Variants in TMEM63C observed in about 807,000 individuals in gnomAD.
TMEM63C encodes transmembrane protein 63C, also known as osmosensitive cation channel TMEM63C.
A neutral mutation model predicts 99.2 loss-of-function variants in TMEM63C; 32 were observed. The ratio of observed to expected loss-of-function variants is 0.32; its 90% CI spans 0.24 to 0.43. The LOEUF is 0.43. Ranked by LOEUF, TMEM63C falls within the 20% of genes least tolerant of loss-of-function variation. The pLI is 1.00. For missense variants in TMEM63C, 826 were observed against 1,053.0 expected (o/e 0.78, Z 2.98); for synonymous variants, 376 against 397.9 (o/e 0.94, Z 0.66).
At chr14:77,223,785 T>C (rs769625690) in intron 5 of TMEM63C, among the ~76,000 whole-genome samples, 3 of 152,182 alleles carry the variant, frequency 2.0e-5, no homozygotes, top group Non-Finnish European at 4.4e-5. Context: ...TATACACCTG[T>C]GCACCTGTAG....
At position 77,253,191 on chromosome 14, in the gene TMEM63C, T is replaced by C. The variant is rs1594871293; in HGVS notation, c.2149-114T>C. Reference sequence around the variant, plus strand: ...GCTGAAGGTCTGGAAAGACAGAAGATGAGTTGAGTTCCAAGGTGGTGAGAA... The same window carrying C: ...GCTGAAGGTCTGGAAAGACAGAAGACGAGTTGAGTTCCAAGGTGGTGAGAA... On this transcript the variant is annotated intron_variant, in intron 22 of 23. Coordinates refer to ENST00000298351, the MANE Select transcript of TMEM63C (RefSeq NM_020431.4). 6.8e-6 allele frequency: 6 copies of C among 886,282 alleles called. No homozygotes were observed. In the East Asian group the frequency reaches 1.3e-4, roughly 20 times the overall value. The allele number at this position is 886,282 out of a possible 1,614,324, so 54.9% of individuals were successfully genotyped here.
rs1889503568 is a variant in TMEM63C, at chr14:77,258,051, C to CA, written c.*1325_*1326insA. The CA allele has an allele frequency of 6.6e-6, 1 of 152,478 alleles. No homozygotes were observed. Among genetic ancestry groups the CA allele is most frequent in the East Asian group, 1.9e-4 (1 of 5,180 alleles). The allele number at this position is 152,478 out of a possible 1,614,324, so 9.4% of individuals were successfully genotyped here. On this transcript the variant is annotated 3_prime_UTR_variant, in exon 24 of 24. Coordinates refer to ENST00000298351, the MANE Select transcript of TMEM63C (RefSeq NM_020431.4). ...TGACACTCAGCACCTTTGCCACAGC[C>CA]GGGGGGAACCGGCTTCTGCCTCTGG...
chr14:77,234,088 C>A (rs1305919034), intron 8 of TMEM63C, among the ~76,000 whole-genome samples: 1 of 152,206 alleles, frequency 6.6e-6, no homozygotes, highest in Non-Finnish European at 1.5e-5. Context: ...TTCAGCCAAC[C>A]TGACTGGAGG....
At chr14:77,218,241 G>GC (rs1555347421) in intron 2 of TMEM63C, among the ~76,000 whole-genome samples, 4 of 100,574 alleles carry the variant, frequency 4.0e-5, no homozygotes, top group African/African-American at 1.2e-4. Flanking sequence ...AAAAAAAAAA[G>GC]AGGGGGGTGT....
At chr14:77,226,482 T>C (rs1020105454) in intron 6 of TMEM63C, among the ~76,000 whole-genome samples, 14 of 152,108 alleles carry the variant, frequency 9.2e-5, no homozygotes, top group African/African-American at 3.1e-4. Flanking sequence ...GCATTCAGAA[T>C]GGGAGGGTTA....
At chr14:77,253,465 C>T (rs947042845) in intron 23 of TMEM63C, 89 bp downstream of exon 23, 238 of 1,294,736 alleles carry the variant, frequency 1.8e-4, no homozygotes, top group Non-Finnish European at 2.5e-4. Context: ...GCCAGCTTTG[C>T]TGCCCACTCT....
chr14:77,210,741 T>C (rs1888481893), intron 1 of TMEM63C, among the ~76,000 whole-genome samples: 1 of 152,098 alleles, frequency 6.6e-6, no homozygotes, highest in Admixed American at 6.6e-5. Context: ...TCCCAGCTTG[T>C]TTGTTTAAGT....
At chr14:77,194,770 C>G (rs1322399524) in intron 1 of TMEM63C, among the ~76,000 whole-genome samples, 5 of 151,146 alleles carry the variant, frequency 3.3e-5, no homozygotes, top group Non-Finnish European at 5.9e-5. Flanking sequence ...TTTGTGGAAC[C>G]GGGTTTTTGC....
chr14:77,219,701 C>A, intron 4 of TMEM63C, 124 bp downstream of exon 4: 1 of 949,880 alleles, frequency 1.1e-6, no homozygotes, highest in Non-Finnish European at 1.7e-6. Flanking sequence ...TGGCCTCTGC[C>A]CCTGCTCTGC....
intron 15 of TMEM63C, among the ~76,000 whole-genome samples, chr14:77,243,557 C>T (rs1374226479): frequency 6.6e-6 from 1 of 152,166 alleles, no homozygotes; most frequent in African/African-American, 2.4e-5. Flanking sequence ...CCTCCCTCAT[C>T]TCCAGACACC....
At chr14:77,215,088 A>T (rs1164688843) in intron 2 of TMEM63C, among the ~76,000 whole-genome samples, 2 of 152,106 alleles carry the variant, frequency 1.3e-5, no homozygotes, top group Non-Finnish European at 2.9e-5. Flanking sequence ...ATACAGGTGA[A>T]TCCAGCACAG....
Position 77,219,646 on chromosome 14 carries a change from AGC to A in TMEM63C, c.230+70_230+71del, listed in dbSNP as rs1449163455. The A allele has an allele frequency of 2.7e-6, 4 of 1,505,224 alleles. No homozygotes were observed. In the African/African-American group the frequency reaches 5.5e-5, roughly 21 times the overall value. 93.2% of individuals were successfully genotyped at this position (1,505,224 alleles called of 1,614,324 possible). The stretch of plus-strand genomic sequence containing the variant: ...AAACCTGTTGCCATGGCCAGGACGC[AGC>A]TCTGCCCAGCGCCCGAGCTGCAGCA... On this transcript the variant is annotated intron_variant, in intron 4 of 23. Transcript: ENST00000298351.
At chr14:77,239,156 G>C (rs948277428) in intron 10 of TMEM63C, among the ~76,000 whole-genome samples, 2 of 152,234 alleles carry the variant, frequency 1.3e-5, no homozygotes, top group Admixed American at 1.3e-4. Context: ...GTGAACAGCT[G>C]TCTCCTGGGT....
At chr14:77,223,322 G>A (rs1013300149) in intron 5 of TMEM63C, among the ~76,000 whole-genome samples, 5 of 152,136 alleles carry the variant, frequency 3.3e-5, no homozygotes, top group Admixed American at 6.6e-5. Context: ...ATTAAATGGA[G>A]AACAGAGAGT....
intron 1 of TMEM63C, among the ~76,000 whole-genome samples, chr14:77,197,138 T>G (rs1289751436): frequency 1.3e-5 from 2 of 152,252 alleles, no homozygotes; most frequent in African/African-American, 4.8e-5. Flanking sequence ...AAGCTCTAAC[T>G]GTGTTAAGAT....
chr14:77,202,812 C>T (rs1397250533), intron 1 of TMEM63C, among the ~76,000 whole-genome samples: 1 of 150,074 alleles, frequency 6.7e-6, no homozygotes, highest in African/African-American at 2.4e-5. Flanking sequence ...GCTACAGAGG[C>T]AGACAGGCAG....
intron 22 of TMEM63C, 106 bp downstream of exon 22, chr14:77,252,004 G>GTC: frequency 1.1e-6 from 1 of 939,156 alleles, no homozygotes; most frequent in Non-Finnish European, 1.7e-6. Context: ...GGATGAAAGG[G>GTC]TCTCGCCTTT....
chr14:77,194,964 A>G (rs1470385767), intron 1 of TMEM63C, among the ~76,000 whole-genome samples: 1 of 151,992 alleles, frequency 6.6e-6, no homozygotes, highest in Non-Finnish European at 1.5e-5. Flanking sequence ...TTTAAAGAGC[A>G]TATTTAAAGC....
At chr14:77,240,935 T>TTTTTTTTTTC in intron 13 of TMEM63C, among the ~76,000 whole-genome samples, 1 of 31,168 alleles carries the variant, frequency 3.2e-5, no homozygotes, top group Non-Finnish European at 7.4e-5. Context: ...CTTTTTCTTT[T>TTTTTTTTTTC]TTTTTTTTTT....
Sources: gnomAD v4.1 joint callset for allele counts (sites outside exome capture counted in the v4.1 genomes callset) on GRCh38, gnomAD v4.1.1 for gene constraint, MANE v1.5 for transcripts, NCBI Gene and HGNC (gene_info 2026-07-23, HGNC 2026-07-21) for gene names.